GRIP1: variants seen among roughly 807,000 people sequenced by gnomAD.
The protein encoded by GRIP1 is glutamate receptor interacting protein 1.
GRIP1 carries 45 observed loss-of-function variants against 129.9 expected under a neutral mutation model. The ratio of observed to expected loss-of-function variants is 0.35; its 90% CI spans 0.27 to 0.44. The LOEUF (loss-of-function observed/expected upper bound fraction) is 0.44. Among genes scored for constraint, GRIP1 ranks in the 20% least tolerant of loss-of-function variants. The pLI, the probability that GRIP1 is intolerant of heterozygous loss-of-function variation, is 1.00. For missense variants in GRIP1, 1,196 were observed against 1,396.8 expected, an observed-to-expected ratio of 0.86 and a Z score of 2.29; for synonymous variants, 530 against 520.8, an observed-to-expected ratio of 1.02 and a Z score of -0.24.
At chr12:66,741,723 T>G (rs1410037913) in intron 1 of GRIP1, among the ~76,000 whole-genome samples, 5 of 152,220 alleles carry the variant, frequency 3.3e-5, no homozygotes, top group Admixed American at 6.5e-5. Flanking sequence ...TATTCTGTAC[T>G]TACAGCACAT....
intron 1 of GRIP1, among the ~76,000 whole-genome samples, chr12:66,961,381 A>G (rs989676565): frequency 2.0e-5 from 3 of 152,186 alleles, no homozygotes; most frequent in Non-Finnish European, 4.4e-5. Flanking sequence ...CTTTACATAG[A>G]AAAAAGCAAG....
intron 1 of GRIP1, among the ~76,000 whole-genome samples, chr12:66,611,141 G>T (rs373561913): frequency 3.3e-5 from 5 of 152,258 alleles, no homozygotes; most frequent in African/African-American, 9.6e-5. Flanking sequence ...CTCAAAATAA[G>T]TAAAAGCATT....
intron 1 of GRIP1, among the ~76,000 whole-genome samples, chr12:66,623,080 C>A (rs892541002): frequency 3.9e-5 from 6 of 152,166 alleles, no homozygotes; most frequent in African/African-American, 1.4e-4. Flanking sequence ...AGTAGATGCT[C>A]AGTAGGTAAC....
rs569345549 is a variant in GRIP1, at chr12:66,641,405, C to G, written c.55+37445G>C. Among the ~76,000 whole-genome samples, 22 of 152,298 alleles carry G rather than the reference C, an allele frequency of 1.4e-4. No homozygotes were observed. The South Asian group carries it at 4.6e-3, about 32-fold the overall frequency. ...CAGATTGGGGGAGGAAGGGGTGGGCCTGGATCCCTGAACACATTCTTATTT... is the reference window on the plus strand; with the variant it reads ...CAGATTGGGGGAGGAAGGGGTGGGCGTGGATCCCTGAACACATTCTTATTT... On this transcript the variant is annotated intron_variant, in intron 1 of 24. Coordinates refer to ENST00000359742, the MANE Select transcript of GRIP1 (RefSeq NM_001366722.1).
chr12:66,478,558 G>T (rs2059695429), intron 7 of GRIP1, among the ~76,000 whole-genome samples: 1 of 152,144 alleles, frequency 6.6e-6, no homozygotes, highest in Admixed American at 6.6e-5. Flanking sequence ...AAATCATGCT[G>T]CTGTAAAGAC....
At chr12:66,419,058 G>A (rs1033469402) in intron 15 of GRIP1, among the ~76,000 whole-genome samples, 1 of 152,086 alleles carries the variant, frequency 6.6e-6, no homozygotes, top group Non-Finnish European at 1.5e-5. Context: ...TCCACTGAGA[G>A]ATAAATGGAT....
At chr12:66,395,080 A>C (rs965292976) in intron 16 of GRIP1, among the ~76,000 whole-genome samples, 1 of 152,202 alleles carries the variant, frequency 6.6e-6, no homozygotes, top group African/African-American at 2.4e-5. Flanking sequence ...TCATAAACTA[A>C]TTTTGGCTAT....
chr12:66,478,651 G>A (rs1301751248), intron 7 of GRIP1, among the ~76,000 whole-genome samples: 3 of 152,068 alleles, frequency 2.0e-5, no homozygotes, highest in Non-Finnish European at 4.4e-5. Context: ...ATGATAGACT[G>A]GATTAAGAAA....
chr12:66,418,680 G>T (rs2057696507), intron 15 of GRIP1, among the ~76,000 whole-genome samples: 1 of 151,998 alleles, frequency 6.6e-6, no homozygotes. Flanking sequence ...TGTCTAACAG[G>T]CATAAGAAAA....
intron 1 of GRIP1, among the ~76,000 whole-genome samples, chr12:67,036,882 T>C (rs1287526124): frequency 6.6e-6 from 1 of 152,092 alleles, no homozygotes; most frequent in African/African-American, 2.4e-5. Context: ...TTCAAAATTA[T>C]AAAAATATGA....
chr12:66,993,664 G>A (rs1439358952), intron 1 of GRIP1, among the ~76,000 whole-genome samples: 9 of 151,490 alleles, frequency 5.9e-5, no homozygotes, highest in Middle Eastern at 3.4e-3. Flanking sequence ...AGTGGTGCAC[G>A]GCCATAATCC....
At chr12:66,556,509 G>T (rs10878451) in intron 2 of GRIP1, among the ~76,000 whole-genome samples, 62,336 of 151,648 alleles carry the variant, frequency 0.41, 12,970 homozygotes, top group African/African-American at 0.46. Flanking sequence ...CTGGTAATAG[G>T]AAGCACCAAG....
At chr12:66,985,792 T>A (rs149455262) in intron 1 of GRIP1, among the ~76,000 whole-genome samples, 5 of 152,280 alleles carry the variant, frequency 3.3e-5, no homozygotes, top group Non-Finnish European at 7.4e-5. Context: ...TCTTGGTTTG[T>A]TTTATCAAGA....
intron 1 of GRIP1, among the ~76,000 whole-genome samples, chr12:66,882,851 GCA>G (rs1398528896): frequency 1.3e-5 from 2 of 152,134 alleles, no homozygotes; most frequent in African/African-American, 4.8e-5. Context: ...CGCAGACAAG[GCA>G]GACAAGGCAG....
intron 1 of GRIP1, among the ~76,000 whole-genome samples, chr12:66,719,203 C>T (rs2035984665): frequency 6.6e-6 from 1 of 152,016 alleles, no homozygotes; most frequent in South Asian, 2.1e-4. Context: ...AACTTGAAGG[C>T]TACAATATAC....
chr12:66,654,752 T>C (rs901714387), intron 1 of GRIP1, among the ~76,000 whole-genome samples: 1 of 152,168 alleles, frequency 6.6e-6, no homozygotes, highest in Non-Finnish European at 1.5e-5. Flanking sequence ...TGAGGATGTC[T>C]GCGCCATTAT....
intron 7 of GRIP1, among the ~76,000 whole-genome samples, chr12:66,494,212 T>C (rs79787623): frequency 0.039 from 5,963 of 152,276 alleles, 287 homozygotes; most frequent in East Asian, 0.12. Context: ...GGCTCAATAA[T>C]GTACTTAAAT....
At chr12:66,814,965 A>G (rs931651397) in intron 1 of GRIP1, among the ~76,000 whole-genome samples, 2 of 152,192 alleles carry the variant, frequency 1.3e-5, no homozygotes, top group African/African-American at 2.4e-5. Context: ...AACCACTCCC[A>G]TGATCCAATT....
chr12:66,405,115 G>T (rs1199191555), intron 16 of GRIP1, among the ~76,000 whole-genome samples: 1 of 152,184 alleles, frequency 6.6e-6, no homozygotes, highest in African/African-American at 2.4e-5. Flanking sequence ...CCAAAATCTA[G>T]GTGGAGGAAG....
Sources: allele counts gnomAD v4.1 joint callset (sites outside exome capture counted in the v4.1 genomes callset), GRCh38; gene constraint gnomAD v4.1.1; transcripts MANE v1.5; gene names NCBI Gene and HGNC (gene_info 2026-07-23, HGNC 2026-07-21).